TMEM278: variants seen among roughly 807,000 people sequenced by gnomAD.
TMEM278 encodes transmembrane protein 278, also known as transmembrane protein 88B.
the TMEM278 span, chr1:1,427,786 G>A: frequency 7.3e-7 from 1 of 1,378,456 alleles, no homozygotes; most frequent in Non-Finnish European, 9.4e-7. Flanking sequence ...GCCTGGGTGT[G>A]ACCCGGCGGC....
At chr1:1,429,126 G>A in the TMEM278 span, among the ~76,000 whole-genome samples, 1 of 152,064 alleles carries the variant, frequency 6.6e-6, no homozygotes, top group Non-Finnish European at 1.5e-5. Context: ...CCGAAATCAT[G>A]CCATTGCACT....
chr1:1,428,315 C>T, the TMEM278 span, among the ~76,000 whole-genome samples: 1 of 151,816 alleles, frequency 6.6e-6, no homozygotes, highest in African/African-American at 2.4e-5. Flanking sequence ...GGCTCTGGGG[C>T]TCCCAGGGGA....
the TMEM278 span, chr1:1,426,006 C>A: frequency 8.0e-7 from 1 of 1,254,948 alleles, no homozygotes; most frequent in South Asian, 3.4e-5. Flanking sequence ...GGTCCACGGT[C>A]TGGCTGGGGG....
the TMEM278 span, chr1:1,426,256 G>A: frequency 3.4e-6 from 5 of 1,490,124 alleles, no homozygotes; most frequent in Non-Finnish European, 3.6e-6. Flanking sequence ...GGTGGTCGGG[G>A]CCCCCGCTGC....
At chr1:1,426,750 C>A in the TMEM278 span, among the ~76,000 whole-genome samples, 2 of 152,092 alleles carry the variant, frequency 1.3e-5, no homozygotes, top group African/African-American at 4.8e-5. Context: ...CACACAAGGC[C>A]CCTCCCAGGC....
chr1:1,430,077 C>G, the TMEM278 span, among the ~76,000 whole-genome samples: 12 of 152,268 alleles, frequency 7.9e-5, no homozygotes, highest in African/African-American at 1.9e-4. Flanking sequence ...AGGCTGGTCT[C>G]GAACTCCTAG....
chr1:1,427,930 C>T, the TMEM278 span: 2 of 713,438 alleles, frequency 2.8e-6, no homozygotes, highest in Non-Finnish European at 3.8e-6. Flanking sequence ...ACCCCGGCCT[C>T]CCCCGCCCGC....
the TMEM278 span, chr1:1,427,827 C>A: frequency 7.3e-7 from 1 of 1,361,820 alleles, no homozygotes; most frequent in African/African-American, 1.6e-5. Context: ...CCTCCGAGCT[C>A]GCGCGCGACC....
At chr1:1,426,271 C>G in the TMEM278 span, 7 of 1,492,404 alleles carry the variant, frequency 4.7e-6, no homozygotes, top group African/African-American at 4.3e-5. Context: ...CGCTGCTGCC[C>G]GGCCGGCTGC....
chr1:1,428,000 A>AGGGGC, the TMEM278 span, among the ~76,000 whole-genome samples: 3 of 74,742 alleles, frequency 4.0e-5, no homozygotes, highest in Admixed American at 1.3e-4. Context: ...AGGGGAAGAG[A>AGGGGC]GGGGAGGGGA....
At chr1:1,427,221 C>G in the TMEM278 span, among the ~76,000 whole-genome samples, 1 of 146,864 alleles carries the variant, frequency 6.8e-6, no homozygotes, top group Non-Finnish European at 1.5e-5. Flanking sequence ...TTCCTCCACC[C>G]CGCTCTCTCT....
At chr1:1,429,589 C>T in the TMEM278 span, among the ~76,000 whole-genome samples, 2 of 152,170 alleles carry the variant, frequency 1.3e-5, no homozygotes, top group Admixed American at 1.3e-4. Flanking sequence ...TGGTGTTTCT[C>T]TGAACGTTTG....
At chr1:1,427,689 CGCCTCCGCCCGCTGCT>C in the TMEM278 span, 46 of 1,325,624 alleles carry the variant, frequency 3.5e-5, no homozygotes, top group East Asian at 6.6e-5. Context: ...CCTAGCCCGG[CGCCTCCGCCCGCTGCT>C]GCCTCCGCCC....
chr1:1,426,966 G>A, the TMEM278 span, among the ~76,000 whole-genome samples: 7 of 151,568 alleles, frequency 4.6e-5, no homozygotes, highest in African/African-American at 1.7e-4. Flanking sequence ...GCTGCGTCCC[G>A]GATCTCCTGT....
At chr1:1,427,743 C>G in the TMEM278 span, 6 of 1,305,818 alleles carry the variant, frequency 4.6e-6, no homozygotes, top group South Asian at 2.0e-5. Context: ...CCGCCGCCCC[C>G]CGGGGCGCCC....
the TMEM278 span, chr1:1,426,120 G>A: frequency 6.5e-6 from 9 of 1,387,456 alleles, no homozygotes; most frequent in Admixed American, 1.7e-4. Flanking sequence ...GCCTGCAGTG[G>A]CAGGAGCATG....
chr1:1,426,385 G>A, the TMEM278 span: 3 of 1,396,374 alleles, frequency 2.1e-6, no homozygotes, highest in Non-Finnish European at 1.9e-6. Flanking sequence ...GCCACTCGAG[G>A]GTGAGCCTGT....
At chr1:1,427,603 G>A in the TMEM278 span, 1 of 1,264,914 alleles carries the variant, frequency 7.9e-7, no homozygotes, top group South Asian at 2.1e-5. Flanking sequence ...TCAGACCGCG[G>A]CTCCGCGGCG....
At chr1:1,427,248 C>T in the TMEM278 span, among the ~76,000 whole-genome samples, 1 of 143,828 alleles carries the variant, frequency 7.0e-6, no homozygotes, top group Non-Finnish European at 1.5e-5. Flanking sequence ...CCCGCTCCAC[C>T]CTGCTCCCGC....
Sources: gnomAD v4.1 joint callset for allele counts (sites outside exome capture counted in the v4.1 genomes callset) on GRCh38, gnomAD v4.1.1 for gene constraint, MANE v1.5 for transcripts, NCBI Gene and HGNC (gene_info 2026-07-23, HGNC 2026-07-21) for gene names.